The following DNTTIP1 variants were observed in gnomAD, a reference collection of about 807,000 sequenced individuals.
DNTTIP1 encodes deoxynucleotidyltransferase terminal interacting protein 1.
DNTTIP1 carries 22 observed loss-of-function variants against 52.9 expected under a neutral mutation model. The observed-to-expected ratio is 0.42, with a 90% CI of 0.30 to 0.59. The LOEUF (loss-of-function observed/expected upper bound fraction) is 0.59, where lower values mean the gene tolerates loss of function less well. DNTTIP1 is among the 20% of genes least tolerant of loss of function. The pLI is 0.22. For missense variants in DNTTIP1, 286 were observed against 435.5 expected, an observed-to-expected ratio of 0.66 and a Z score of 3.06; for synonymous variants, 136 against 155.1, an observed-to-expected ratio of 0.88 and a Z score of 0.92.
intron 1 of DNTTIP1, 57 bp downstream of exon 1, chr20:45,792,166 G>T: frequency 9.3e-7 from 1 of 1,074,130 alleles, no homozygotes; most frequent in East Asian, 3.1e-5. Flanking sequence ...CGGGGCTCCT[G>T]GGACCCTGGC....
Position 45,792,717 on chromosome 20 carries a change from G to A in DNTTIP1, c.146G>A (p.Arg49Gln). Residue 49 changes from arginine (R) to glutamine (Q), a missense_variant, in exon 2 of 13, where the codon CGG becomes CAG. Around this residue, in one of 2 missense-constraint regions of DNTTIP1, gnomAD observed 208 missense variants for 266.5 expected, o/e 0.78. Coordinates refer to ENST00000372622, the MANE Select transcript of DNTTIP1 (RefSeq NM_052951.3). ...ATGATAAAGCACCGGCAGGTGCAGC[G>A]GAGGGGCCGCCGCTCACAGATGACA... ...NIMIKHRQVQ[R>Q]RGRRSQMTTS... 5.6e-6 allele frequency: 9 copies of A among 1,612,634 alleles called. No individual in the cohort carries two copies. Among genetic ancestry groups the A allele is most frequent in the Non-Finnish European group, 7.6e-6 (9 of 1,179,364 alleles).
Position 45,792,100 on chromosome 20 carries a change from G to C in DNTTIP1, c.96G>C (p.Leu32=). 1 of 1,283,242 alleles carries C rather than the reference G, an allele frequency of 7.8e-7. No individual in the cohort carries two copies. The highest frequency in any genetic ancestry group is 9.9e-7 in the Non-Finnish European group (1 of 1,013,438). The allele number at this position is 1,283,242 out of a possible 1,614,324, so 79.5% of individuals were successfully genotyped here. Reference sequence around the variant, plus strand: ...GGGATGCGGGCGCAGCGGGGCAGCTGGTTCTTACGGTGAGGGCGCCCCCGG... The same window carrying C: ...GGGATGCGGGCGCAGCGGGGCAGCTCGTTCTTACGGTGAGGGCGCCCCCGG... ...ELGDAGAAGQ[L]VLTNPWNIMI... Residue 32 remains leucine, a synonymous_variant, in exon 1 of 13, where the codon CTG becomes CTC. Transcript: ENST00000372622.
At chr20:45,807,474 A>G (rs2145705741) in intron 10 of DNTTIP1, among the ~76,000 whole-genome samples, 1 of 152,294 alleles carries the variant, frequency 6.6e-6, no homozygotes, top group East Asian at 1.9e-4. Context: ...GTCATTTAGA[A>G]TCTATTTGTA....
chr20:45,800,697 ATATATATATATATATATATAT>A lies in DNTTIP1; in HGVS notation c.373-376_373-356del, dbSNP rs1981426896. Among the ~76,000 whole-genome samples the A allele has an allele frequency of 8.7e-3, 51 of 5,844 alleles. 4 individuals are homozygous for A. Among genetic ancestry groups the A allele is most frequent in the African/African-American group, 0.015 (40 of 2,622 alleles). 3.8% of individuals were successfully genotyped at this position (5,844 alleles called of 152,430 possible). A position where few individuals can be genotyped will look rare whatever the true frequency, so the allele number is the denominator to read the frequency against. On this transcript the variant is annotated intron_variant, in intron 4 of 12. Transcript: ENST00000372622. The stretch of plus-strand genomic sequence containing the variant: ...CTCAATTTAAAAAAAAAAAAAAAAT[ATATATATATATATATATATAT>A]ATATATATATATATATATATATATA...
intron 8 of DNTTIP1, 102 bp from the exon 9 acceptor site, chr20:45,805,044 A>G (rs568739788): frequency 1.5e-5 from 15 of 1,020,846 alleles, no homozygotes; most frequent in Non-Finnish European, 2.3e-5. Context: ...TGATTAAATA[A>G]TAGACAAGGG....
chr20:45,798,806 G>GTAT (rs1258551983), intron 4 of DNTTIP1, among the ~76,000 whole-genome samples: 1 of 152,142 alleles, frequency 6.6e-6, no homozygotes, highest in Non-Finnish European at 1.5e-5. Context: ...GTTCACCACT[G>GTAT]TATTCCCAGC....
At position 45,801,116 on chromosome 20, in the gene DNTTIP1, T is replaced by C; in HGVS notation, c.415T>C (p.Leu139=). ...FSDGEKVIPR[L]THELPGIKRG... ...AGATGGAGAAAAAGTAATACCCAGA[T>C]TGACCCATGAGCTTCCAGGAATAAA... The change falls in exon 5 of 13, where the codon TTG becomes CTG. Residue 139 remains leucine (L), a synonymous_variant. Transcript: ENST00000372622. 6.2e-7 allele frequency: 1 copy of C among 1,614,146 alleles called. No individual in the cohort carries two copies. Among genetic ancestry groups the C allele is most frequent in the South Asian group, 1.1e-5 (1 of 91,070 alleles).
chr20:45,808,089 G>A (rs866491263), intron 10 of DNTTIP1, among the ~76,000 whole-genome samples: 10 of 151,952 alleles, frequency 6.6e-5, no homozygotes, highest in Non-Finnish European at 1.5e-5. Flanking sequence ...GCTCATACCT[G>A]TAATCCCAAC....
At chr20:45,811,012 T>TACATCCTCACTTCCC (rs762037781) in intron 12 of DNTTIP1, 45 bp from the exon 13 acceptor site, 3 of 1,613,258 alleles carry the variant, frequency 1.9e-6, no homozygotes, top group Non-Finnish European at 1.7e-6. Context: ...AGGCAGGGCC[T>TACATCCTCACTTCCC]ACATCCTCAC....
At chr20:45,802,107 G>A in intron 7 of DNTTIP1, 50 bp downstream of exon 7, 1 of 1,593,016 alleles carries the variant, frequency 6.3e-7, no homozygotes, top group Non-Finnish European at 8.6e-7. Flanking sequence ...CAGACGGAGA[G>A]AGGGGCCCTG....
At position 45,792,871 on chromosome 20, in the gene DNTTIP1, G is replaced by A. The variant is rs571419645; in HGVS notation, c.176+124G>A. ...AGAAAGAGCACAGGACTGAGGAAGA[G>A]GAGACTCCGATTCTGTAACTCTGTG... On this transcript the variant is annotated intron_variant, in intron 2 of 12. Coordinates refer to ENST00000372622, the MANE Select transcript of DNTTIP1 (RefSeq NM_052951.3). 25 of 765,970 alleles carry A rather than the reference G, an allele frequency of 3.3e-5. No homozygotes were observed. The South Asian group carries it at 4.7e-4, about 14-fold the overall frequency. The allele number at this position is 765,970 out of a possible 1,614,324, so 47.4% of individuals were successfully genotyped here. A position where few individuals can be genotyped will look rare whatever the true frequency, so the allele number is the denominator to read the frequency against.
intron 10 of DNTTIP1, among the ~76,000 whole-genome samples, chr20:45,806,456 G>T (rs1166051228): frequency 6.6e-6 from 1 of 152,100 alleles, no homozygotes; most frequent in Non-Finnish European, 1.5e-5. Context: ...CCCACTGTTT[G>T]AGGGAATAAT....
rs1045401708 is a variant in DNTTIP1 at position 45,810,767 on chromosome 20, C to T, written c.796-118C>T. 1.5e-5 allele frequency: 13 copies of T among 880,118 alleles called. 1 individual carries two copies. The East Asian group carries it at 1.6e-4, about 11-fold the overall frequency. 54.5% of individuals were successfully genotyped at this position (880,118 alleles called of 1,614,324 possible). A position where few individuals can be genotyped will look rare whatever the true frequency, so the allele number is the denominator to read the frequency against. On this transcript the variant is annotated intron_variant, in intron 11 of 12. Transcript: ENST00000372622. ...TACTCTTCCGTACTAAATTGTAAAC[C>T]GCATCCCCCGCTTCCACCTAGTAGC...
intron 4 of DNTTIP1, 35 bp downstream of exon 4, chr20:45,795,478 G>A (rs1430545598): frequency 1.5e-6 from 2 of 1,345,514 alleles, no homozygotes; most frequent in Admixed American, 1.9e-5. Flanking sequence ...GCAGGCACAA[G>A]GTTTAGCTCT....
chr20:45,799,890 G>A (rs367733529), intron 4 of DNTTIP1, among the ~76,000 whole-genome samples: 3 of 148,194 alleles, frequency 2.0e-5, no homozygotes, highest in East Asian at 3.9e-4. Context: ...GGCAGATCAC[G>A]AGGTCAGAAG....
At chr20:45,795,605 C>T (rs1233560252) in intron 4 of DNTTIP1, among the ~76,000 whole-genome samples, 162 bp downstream of exon 4, 2 of 152,196 alleles carry the variant, frequency 1.3e-5, no homozygotes, top group Non-Finnish European at 2.9e-5. Context: ...TTGAGACCAG[C>T]TTGGGCAACG....
Position 45,811,167 on chromosome 20 carries a change from G to A in DNTTIP1, c.962G>A (p.Arg321His), listed in dbSNP as rs775312953. 1.2e-5 allele frequency: 19 copies of A among 1,613,312 alleles called. No individual in the cohort carries two copies. In the African/African-American group the frequency reaches 1.9e-4, roughly 16 times the overall value. The change falls in exon 13 of 13, where the codon CGT becomes CAT. Residue 321 changes from arginine (R) to histidine (H), a missense_variant. By Grantham distance (29) the Arg-to-His change is conservative. Transcript: ENST00000372622. ...ACACTACGGACAGAGAATGAGCATC[G>A]TGCTGTTGAAGCACCTCCACAGACC... is the stretch of plus-strand genomic sequence containing the variant. ...METLRTENEH[R>H]AVEAPPQT
At chr20:45,810,182 T>C (rs551831341) in intron 11 of DNTTIP1, among the ~76,000 whole-genome samples, 1 of 152,232 alleles carries the variant, frequency 6.6e-6, no homozygotes, top group East Asian at 1.9e-4. Context: ...GAATACACAA[T>C]TATTCCTGAC....
chr20:45,803,964 T>C (rs1981557072), intron 8 of DNTTIP1, among the ~76,000 whole-genome samples: 1 of 152,180 alleles, frequency 6.6e-6, no homozygotes, highest in South Asian at 2.1e-4. Flanking sequence ...CAGCAGTGAC[T>C]TATATAAATG....
Sources: gnomAD v4.1 joint callset for allele counts (sites outside exome capture counted in the v4.1 genomes callset) on GRCh38, gnomAD v4.1.1 for gene constraint, gnomAD v4.1.1 regional missense constraint, MANE v1.5 for transcripts, NCBI Gene and HGNC (gene_info 2026-07-23, HGNC 2026-07-21) for gene names.